Variants in EHMT1 observed in about 807,000 individuals in gnomAD.
The protein encoded by EHMT1 is histone-lysine N-methyltransferase EHMT1.
In EHMT1, 15 loss-of-function variants were observed where a neutral mutation model predicts 147.2. The observed-to-expected ratio is 0.10, with a 90% CI of 0.07 to 0.16. The LOEUF (loss-of-function observed/expected upper bound fraction) is 0.16. EHMT1 is among the 10% of genes least tolerant of loss of function. The pLI, the probability that EHMT1 is intolerant of heterozygous loss-of-function variation, is 1.00. For missense variants in EHMT1, 1,587 were observed against 1,772.4 expected (o/e 0.90, Z 1.88); for synonymous variants, 795 against 709.6 (o/e 1.12, Z -1.91).
intron 1 of EHMT1, among the ~76,000 whole-genome samples, chr9:137,675,707 G>T (rs1161332793): frequency 2.0e-5 from 3 of 148,688 alleles, no homozygotes; most frequent in Admixed American, 6.7e-5. Flanking sequence ...CACCTCCCGG[G>T]TTCAAGCGAT....
intron 6 of EHMT1, among the ~76,000 whole-genome samples, chr9:137,751,706 A>G (rs11137200): frequency 0.24 from 36,987 of 152,220 alleles, 5,223 homozygotes; most frequent in Admixed American, 0.38. Context: ...ATTCCAGAAC[A>G]TATTTTTAAT....
chr9:137,788,128 A>T, intron 15 of EHMT1: 1 of 1,203,232 alleles, frequency 8.3e-7, no homozygotes, highest in Non-Finnish European at 1.1e-6. Context: ...CTCTCAGAGG[A>T]GGGCAGGGGT....
At chr9:137,651,260 TAA>T (rs1022385581) in intron 1 of EHMT1, among the ~76,000 whole-genome samples, 4 of 152,244 alleles carry the variant, frequency 2.6e-5, no homozygotes, top group Admixed American at 1.3e-4. Context: ...TTAATTTTGA[TAA>T]AGTCTAATTT....
chr9:137,822,612 GGGCCGGGCGCAGT>G (rs1008165944), intron 25 of EHMT1, among the ~76,000 whole-genome samples: 1 of 151,864 alleles, frequency 6.6e-6, no homozygotes, highest in African/African-American at 2.4e-5. Context: ...TTGCCAGTTT[GGGCCGGGCGCAGT>G]GGCTCACGCC....
chr9:137,670,181 C>T (rs549868172), intron 1 of EHMT1, among the ~76,000 whole-genome samples: 3 of 152,270 alleles, frequency 2.0e-5, no homozygotes, highest in African/African-American at 7.2e-5. Flanking sequence ...TTTCTTGATC[C>T]TGCTTCCCAC....
intron 1 of EHMT1, among the ~76,000 whole-genome samples, chr9:137,678,774 T>C (rs1941649816): frequency 7.1e-6 from 1 of 140,114 alleles, no homozygotes; most frequent in South Asian, 2.6e-4. Context: ...GTGATCTGTC[T>C]ATCTGACGAG....
At chr9:137,690,830 T>C (rs528419155) in intron 1 of EHMT1, among the ~76,000 whole-genome samples, 2 of 152,328 alleles carry the variant, frequency 1.3e-5, no homozygotes, top group African/African-American at 4.8e-5. Flanking sequence ...CAGCATCATA[T>C]ATTCTTCCAC....
chr9:137,734,514 A>G (rs1485062300), intron 4 of EHMT1, among the ~76,000 whole-genome samples: 4 of 152,182 alleles, frequency 2.6e-5, no homozygotes, highest in African/African-American at 9.7e-5. Context: ...AGGAGGACCA[A>G]ACAGGGATTG....
chr9:137,829,622 C>G (rs948868857), intron 25 of EHMT1, among the ~76,000 whole-genome samples: 1 of 152,224 alleles, frequency 6.6e-6, no homozygotes, highest in Admixed American at 6.5e-5. Context: ...CTGGGGCTGT[C>G]CCTTGTATGA....
chr9:137,635,780 A>G (rs1389477370), intron 1 of EHMT1, among the ~76,000 whole-genome samples: 3 of 151,432 alleles, frequency 2.0e-5, no homozygotes, highest in Non-Finnish European at 4.4e-5. Flanking sequence ...AGATGGTGCC[A>G]CTGCTCTCCA....
intron 4 of EHMT1, among the ~76,000 whole-genome samples, chr9:137,737,887 A>G (rs745827060): frequency 2.0e-5 from 3 of 152,200 alleles, no homozygotes; most frequent in Non-Finnish European, 4.4e-5. Context: ...AATAAAAACA[A>G]CTTGATTAAA....
intron 14 of EHMT1, among the ~76,000 whole-genome samples, chr9:137,781,046 G>T (rs1403778866): frequency 6.9e-6 from 1 of 145,626 alleles, no homozygotes; most frequent in South Asian, 2.2e-4. Flanking sequence ...TGGTGATGAC[G>T]CCGAGACGTG....
intron 1 of EHMT1, among the ~76,000 whole-genome samples, chr9:137,670,798 G>T (rs910976775): frequency 2.0e-5 from 3 of 152,198 alleles, no homozygotes; most frequent in African/African-American, 7.2e-5. Flanking sequence ...CCTGGGGGCT[G>T]TGTCCAGGGG....
intron 17 of EHMT1, among the ~76,000 whole-genome samples, chr9:137,800,013 T>C (rs956909138): frequency 6.6e-6 from 1 of 152,164 alleles, no homozygotes; most frequent in Non-Finnish European, 1.5e-5. Flanking sequence ...AGGGGAGATG[T>C]AGCTTTAATC....
chr9:137,785,057 G>T (rs550000306), intron 15 of EHMT1: 28 of 154,498 alleles, frequency 1.8e-4, no homozygotes, highest in Non-Finnish European at 2.9e-4. Flanking sequence ...GTTCAGGGCA[G>T]GAGTGATGCC....
intron 4 of EHMT1, among the ~76,000 whole-genome samples, chr9:137,742,289 TTGTGTGTGTGTGTGTGTGTGTGTGTGTG>T (rs56080406): frequency 7.4e-6 from 1 of 135,170 alleles, no homozygotes; most frequent in South Asian, 2.6e-4. Context: ...AGAACCAAAT[TTGTGTGTGTGTGTGTGTGTGTGTGTGTG>T]TGTGTGTGTG....
Position 137,635,730 on chromosome 9 carries a change from G to T in EHMT1, c.21+16681G>T, listed in dbSNP as rs186397234. 9.3e-5 allele frequency among the ~76,000 whole-genome samples: 14 copies of T among 151,074 alleles called. No individual in the cohort carries two copies. In the East Asian group the frequency reaches 3.0e-3, roughly 32 times the overall value. ...AGCTACTCGGGAGGCTGAGGCAGGA[G>T]AATGGCATGAACCTGGGAGGCGGAG... On this transcript the variant is annotated intron_variant, in intron 1 of 26. Transcript: ENST00000460843.
At chr9:137,720,672 A>G (rs936682152) in intron 3 of EHMT1, among the ~76,000 whole-genome samples, 2 of 152,316 alleles carry the variant, frequency 1.3e-5, no homozygotes, top group South Asian at 2.1e-4. Context: ...GTCACTCAGC[A>G]TAGTTCTCTT....
chr9:137,634,364 A>T (rs931304404), intron 1 of EHMT1, among the ~76,000 whole-genome samples: 1 of 152,186 alleles, frequency 6.6e-6, no homozygotes, highest in Non-Finnish European at 1.5e-5. Flanking sequence ...CTTTTCATGT[A>T]CAGTTGGCTC....
Sources: gnomAD v4.1 joint callset for allele counts (sites outside exome capture counted in the v4.1 genomes callset) on GRCh38, gnomAD v4.1.1 for gene constraint, MANE v1.5 for transcripts, NCBI Gene and HGNC (gene_info 2026-07-23, HGNC 2026-07-21) for gene names.